Variants in FER1L6 observed in about 807,000 individuals in gnomAD.
FER1L6 encodes the protein fer-1 like family member 6, also known as fer-1-like protein 6.
In FER1L6, 177 loss-of-function variants were observed where a neutral mutation model predicts 219.2. That is an observed-to-expected ratio of 0.81 (90% CI 0.71 to 0.91). The LOEUF is 0.91. Ranked by LOEUF, FER1L6 falls within the 40% of genes least tolerant of loss-of-function variation. The probability of loss-of-function intolerance (pLI) is 0.00; values close to 1 mark genes in which losing one functional copy is unlikely to be tolerated. For synonymous variants in FER1L6, 768 were observed against 824.3 expected, an observed-to-expected ratio of 0.93 and a Z score of 1.17; for missense variants, 2,153 against 2,259.9, an observed-to-expected ratio of 0.95 and a Z score of 0.96.
intron 22 of FER1L6, among the ~76,000 whole-genome samples, chr8:124,051,415 C>T (rs573839120): frequency 1.3e-5 from 2 of 152,006 alleles, no homozygotes; most frequent in East Asian, 3.9e-4. Flanking sequence ...CCCTCAACCT[C>T]ATAGTAGAAA....
At chr8:123,955,061 A>G (rs4870882) in intron 1 of FER1L6, among the ~76,000 whole-genome samples, 36,276 of 152,012 alleles carry the variant, frequency 0.24, 5,008 homozygotes, top group East Asian at 0.41. Flanking sequence ...GCAGAGCATT[A>G]GGAATGCTCT....
chr8:124,083,992 G>A (rs1169603302), intron 33 of FER1L6, among the ~76,000 whole-genome samples: 1 of 151,806 alleles, frequency 6.6e-6, no homozygotes. Flanking sequence ...TTTCTCTCTT[G>A]AAGTTTATTC....
chr8:124,032,489 A>T (rs1258157248), intron 18 of FER1L6, among the ~76,000 whole-genome samples: 1 of 152,014 alleles, frequency 6.6e-6, no homozygotes, highest in African/African-American at 2.4e-5. Flanking sequence ...GCACTCTGGG[A>T]GGCCAAAGGG....
intron 1 of FER1L6, among the ~76,000 whole-genome samples, chr8:123,940,473 G>T (rs1001799689): frequency 6.6e-6 from 1 of 152,120 alleles, no homozygotes; most frequent in Non-Finnish European, 1.5e-5. Flanking sequence ...GAGTAGCTGG[G>T]ACTACAGGCA....
At chr8:124,015,123 A>G (rs1189698147) in intron 15 of FER1L6, among the ~76,000 whole-genome samples, 1 of 152,176 alleles carries the variant, frequency 6.6e-6, no homozygotes, top group Non-Finnish European at 1.5e-5. Context: ...AGCAAGCACA[A>G]AGAGTCAGAA....
rs771613990 is a variant in FER1L6 at position 124,060,697 on chromosome 8, C to T, written c.3135C>T (p.Asp1045=). 1.4e-5 allele frequency: 22 copies of T among 1,613,804 alleles called. No homozygotes were observed. The highest frequency in any genetic ancestry group is 5.0e-5 in the Admixed American group (3 of 60,002). ...KNNPNFSIQA[D]AFEVELPENE... ...ACCCGAACTTCAGCATCCAGGCAGA[C>T]GCTTTCGAAGTGGTGCGAGCTTCTC... The change falls in exon 24 of 41, where the codon GAC becomes GAT. Residue 1045 remains aspartate, a synonymous_variant. Coordinates refer to ENST00000522917, the MANE Select transcript of FER1L6 (RefSeq NM_001039112.2).
intron 22 of FER1L6, among the ~76,000 whole-genome samples, chr8:124,050,960 A>G (rs1413956130): frequency 6.6e-6 from 1 of 152,172 alleles, no homozygotes; most frequent in Non-Finnish European, 1.5e-5. Context: ...AGAAATCCCA[A>G]TTTAAAAACA....
At chr8:124,042,069 C>A (rs1276589561) in intron 20 of FER1L6, among the ~76,000 whole-genome samples, 1 of 152,168 alleles carries the variant, frequency 6.6e-6, no homozygotes, top group East Asian at 1.9e-4. Context: ...ATAGGATGGA[C>A]CCCTGGAGCC....
At chr8:124,049,893 C>G in intron 22 of FER1L6, 137 bp downstream of exon 22, 1 of 847,858 alleles carries the variant, frequency 1.2e-6, no homozygotes, top group Non-Finnish European at 1.9e-6. Context: ...TCCTGGGGAC[C>G]TGAGAGGTGC....
At chr8:123,874,597 G>A (rs757322390) in intron 1 of FER1L6, among the ~76,000 whole-genome samples, 1 of 152,164 alleles carries the variant, frequency 6.6e-6, no homozygotes, top group Non-Finnish European at 1.5e-5. Flanking sequence ...CAATACCAAT[G>A]CATCTGTAAT....
intron 19 of FER1L6, among the ~76,000 whole-genome samples, chr8:124,036,839 G>T (rs1819237830): frequency 6.6e-6 from 1 of 152,156 alleles, no homozygotes; most frequent in Admixed American, 6.5e-5. Flanking sequence ...CTGTGCACTG[G>T]CATTGATGGC....
intron 3 of FER1L6, 87 bp from the exon 4 acceptor site, chr8:123,965,920 G>T: frequency 1.7e-6 from 2 of 1,157,754 alleles, no homozygotes; most frequent in Non-Finnish European, 2.5e-6. Context: ...TTAAATGAAA[G>T]GACTTAGAAA....
intron 20 of FER1L6, among the ~76,000 whole-genome samples, chr8:124,044,757 G>A (rs1192389389): frequency 2.6e-5 from 4 of 152,216 alleles, no homozygotes; most frequent in Admixed American, 2.6e-4. Context: ...GAGTCCACTT[G>A]CCCCGCAAAC....
intron 1 of FER1L6, among the ~76,000 whole-genome samples, chr8:123,938,486 T>C (rs941809027): frequency 2.0e-5 from 3 of 152,102 alleles, no homozygotes; most frequent in Admixed American, 6.6e-5. Context: ...GTGCTAAAAC[T>C]TGTAGATAAC....
Position 123,976,094 on chromosome 8 carries a change from C to A in FER1L6, c.870+10C>A, listed in dbSNP as rs768487400. 8.1e-6 allele frequency: 13 copies of A among 1,601,518 alleles called. No homozygotes were observed. Among genetic ancestry groups the A allele is most frequent in the Admixed American group, 3.4e-5 (2 of 59,548 alleles). On this transcript the variant is annotated intron_variant, in intron 9 of 40. Coordinates refer to ENST00000522917, the MANE Select transcript of FER1L6 (RefSeq NM_001039112.2). ...CTTTGCTGGGCAGATGGTGAGGAAC[C>A]ATTGTCACTAACACTGCCTGCTAGG...
intron 13 of FER1L6, among the ~76,000 whole-genome samples, chr8:124,007,108 A>G (rs752935490): frequency 6.6e-6 from 1 of 152,156 alleles, no homozygotes; most frequent in Non-Finnish European, 1.5e-5. Flanking sequence ...TTCTGAGTAA[A>G]CACCTGCTGG....
At chr8:124,023,296 G>A in intron 17 of FER1L6, 148 bp from the exon 18 acceptor site, 1 of 743,756 alleles carries the variant, frequency 1.3e-6, no homozygotes, top group Non-Finnish European at 2.2e-6. Context: ...TGGCATAGAT[G>A]TTTCAGTGCC....
chr8:123,932,170 G>A lies in FER1L6; in HGVS notation c.-7-23822G>A, dbSNP rs539350092. Among the ~76,000 whole-genome samples, 60 of 152,202 alleles carry A rather than the reference G, an allele frequency of 3.9e-4. 1 individual carries two copies. The South Asian group carries it at 7.3e-3, about 18-fold the overall frequency. On this transcript the variant is annotated intron_variant, in intron 1 of 40. Transcript: ENST00000522917. ...ATAGCCCAGGCTGGAGTGCAGTGGC[G>A]TGATGTCGACTCACTACAACCTCTG...
intron 12 of FER1L6, among the ~76,000 whole-genome samples, chr8:123,990,888 T>A (rs1816825436): frequency 6.6e-6 from 1 of 152,216 alleles, no homozygotes; most frequent in African/African-American, 2.4e-5. Context: ...TTGAGTTGAT[T>A]TTTGTATACG....
Sources: gnomAD v4.1 joint callset for allele counts (sites outside exome capture counted in the v4.1 genomes callset) on GRCh38, gnomAD v4.1.1 for gene constraint, MANE v1.5 for transcripts, NCBI Gene and HGNC (gene_info 2026-07-23, HGNC 2026-07-21) for gene names.